Variants in FER1L6 observed in about 807,000 individuals in gnomAD.
FER1L6 encodes fer-1-like protein 6.
Under a neutral mutation model 219.2 loss-of-function variants are expected in FER1L6, and 177 were observed. The observed-to-expected ratio is 0.81, with a 90% CI of 0.71 to 0.91. FER1L6 has a LOEUF of 0.91. Ranked by LOEUF, FER1L6 falls within the 40% of genes least tolerant of loss-of-function variation. FER1L6 has a pLI of 0.00. For missense variants in FER1L6, 2,153 were observed against 2,259.9 expected (o/e 0.95, Z 0.96); for synonymous variants, 768 against 824.3 (o/e 0.93, Z 1.17).
chr8:124,069,631 C>G (rs1344126538), intron 29 of FER1L6, among the ~76,000 whole-genome samples, 156 bp downstream of exon 29: 1 of 152,164 alleles, frequency 6.6e-6, no homozygotes, highest in African/African-American at 2.4e-5. Context: ...TGCATTTAAG[C>G]CAAGACAGGA....
chr8:124,111,733 T>A lies in FER1L6; in HGVS notation c.5290-7111T>A, dbSNP rs1215349930. On this transcript the variant is annotated intron_variant, in intron 39 of 40. Transcript: ENST00000522917. The surrounding 1 kb of genome is among the most constrained non-coding windows in gnomAD (Gnocchi z 5.0). ...GCCGGTGGGAGTGTAGCAGTGAGGATGACCAGAGGTCACTCTTGTTCTCTG... is the reference window on the plus strand; with the variant it reads ...GCCGGTGGGAGTGTAGCAGTGAGGAAGACCAGAGGTCACTCTTGTTCTCTG... Among the ~76,000 whole-genome samples the A allele has an allele frequency of 6.6e-6, 1 of 152,148 alleles. No homozygotes were observed. The highest frequency in any genetic ancestry group is 1.5e-5 in the Non-Finnish European group (1 of 68,022).
At chr8:124,076,069 G>C (rs1821271213) in intron 31 of FER1L6, 129 bp from the exon 32 acceptor site, 33 of 1,180,610 alleles carry the variant, frequency 2.8e-5, no homozygotes, top group Non-Finnish European at 3.9e-5. Flanking sequence ...CCAAAGCCCT[G>C]GCCCGTTAAA....
At chr8:124,016,569 C>A (rs1411079316) in intron 15 of FER1L6, among the ~76,000 whole-genome samples, 1 of 152,142 alleles carries the variant, frequency 6.6e-6, no homozygotes, top group African/African-American at 2.4e-5. Flanking sequence ...GGACTTTTTT[C>A]TGTGCATTTG....
chr8:123,906,792 G>T (rs1428389565), intron 1 of FER1L6, among the ~76,000 whole-genome samples: 1 of 138,118 alleles, frequency 7.2e-6, no homozygotes, highest in Non-Finnish European at 1.5e-5. Context: ...AATAGAGCAA[G>T]ACTTCATCTC....
chr8:123,960,472 G>A (rs1353176162), intron 2 of FER1L6, among the ~76,000 whole-genome samples: 11 of 152,292 alleles, frequency 7.2e-5, no homozygotes, highest in Admixed American at 6.5e-5. Context: ...TCCTAAATGC[G>A]TGTGTACTGT....
chr8:124,119,161 C>G (rs1823376473), intron 40 of FER1L6, among the ~76,000 whole-genome samples: 1 of 152,168 alleles, frequency 6.6e-6, no homozygotes, highest in African/African-American at 2.4e-5. Flanking sequence ...AGCTTTCGAT[C>G]TATTTGGGGA....
In FER1L6 at chr8:123,853,831, A is replaced by T. The variant is rs1299291427; in HGVS notation, c.-8+1646A>T. 6.6e-6 allele frequency among the ~76,000 whole-genome samples: 1 copy of T among 152,196 alleles called. No individual in the cohort carries two copies. Among genetic ancestry groups the T allele is most frequent in the Non-Finnish European group, 1.5e-5 (1 of 68,028 alleles). On this transcript the variant is annotated intron_variant, in intron 1 of 40. Coordinates refer to ENST00000522917, the MANE Select transcript of FER1L6 (RefSeq NM_001039112.2). This position sits in a 1 kb window ranked among gnomAD's most constrained non-coding sequence, Gnocchi z 6.6. ...AAGAAGGAACAACATCGCGGCCTTG[A>T]TGAAGCCACAGTGATGCTACCCAGG...
intron 1 of FER1L6, among the ~76,000 whole-genome samples, chr8:123,872,477 G>T (rs1250619957): frequency 6.6e-6 from 1 of 152,128 alleles, no homozygotes; most frequent in Non-Finnish European, 1.5e-5. Flanking sequence ...AATGTAATGG[G>T]GTGCCCTAGA....
rs564388825 is a variant in FER1L6 at position 123,985,650 on chromosome 8, C to T, written c.1411-418C>T. 4.8e-4 allele frequency: 76 copies of T among 159,816 alleles called. 3 individuals carry two copies. In the South Asian group the frequency reaches 0.014, roughly 29 times the overall value. 9.9% of individuals were successfully genotyped at this position (159,816 alleles called of 1,614,324 possible). A position where few individuals can be genotyped will look rare whatever the true frequency, so the allele number is the denominator to read the frequency against. On this transcript the variant is annotated intron_variant, in intron 11 of 40. Coordinates refer to ENST00000522917, the MANE Select transcript of FER1L6 (RefSeq NM_001039112.2). ...ACGTATCTGACTACCCTGTGTAAGCCATAAAGTTGTGCTCAAATCTAAGGA... is the reference window on the plus strand; with the variant it reads ...ACGTATCTGACTACCCTGTGTAAGCTATAAAGTTGTGCTCAAATCTAAGGA...
intron 11 of FER1L6, 126 bp from the exon 12 acceptor site, chr8:123,985,942 C>T: frequency 1.6e-6 from 1 of 618,506 alleles, no homozygotes; most frequent in Non-Finnish European, 2.9e-6. Flanking sequence ...AACGCTGTGC[C>T]ATTTCAGGCT....
intron 34 of FER1L6, 29 bp downstream of exon 34, chr8:124,091,612 G>A (rs774352840): frequency 5.6e-6 from 9 of 1,599,380 alleles, no homozygotes; most frequent in South Asian, 1.1e-5. Flanking sequence ...TCCTGCTGGT[G>A]TTGCTCTTCT....
chr8:123,982,609 C>G (rs1387272197), intron 11 of FER1L6, among the ~76,000 whole-genome samples: 1 of 152,176 alleles, frequency 6.6e-6, no homozygotes, highest in Non-Finnish European at 1.5e-5. Flanking sequence ...TAACATATCT[C>G]AAAACTTGGC....
Position 123,933,368 on chromosome 8 carries a change from A to ATGTGTG in FER1L6, c.-7-22623_-7-22622insGTGTGT, listed in dbSNP as rs1491259026. ...TATAGTCTGATCTTTCTATCATAGCATATGTGTGTCTGTGTGTGTGTGTGT... is the reference window on the plus strand; with the variant it reads ...TATAGTCTGATCTTTCTATCATAGCATGTGTGTATGTGTGTCTGTGTGTGTGTGTGT... On this transcript the variant is annotated intron_variant, in intron 1 of 40. Coordinates refer to ENST00000522917, the MANE Select transcript of FER1L6 (RefSeq NM_001039112.2). Among the ~76,000 whole-genome samples, 41 of 137,588 alleles carry ATGTGTG rather than the reference A, an allele frequency of 3.0e-4. 1 individual carries two copies. Among genetic ancestry groups the ATGTGTG allele is most frequent in the Middle Eastern group, 3.6e-3 (1 of 280 alleles). The allele number at this position is 137,588 out of a possible 152,430, so 90.3% of individuals were successfully genotyped here.
chr8:124,034,712 A>G (rs1819124412), intron 18 of FER1L6, among the ~76,000 whole-genome samples: 1 of 152,208 alleles, frequency 6.6e-6, no homozygotes, highest in South Asian at 2.1e-4. Context: ...TCTAAGTCAT[A>G]GAGTCCTGAC....
intron 17 of FER1L6, among the ~76,000 whole-genome samples, chr8:124,023,018 C>T (rs1007639297): frequency 6.6e-6 from 1 of 152,064 alleles, no homozygotes; most frequent in Admixed American, 6.6e-5. Context: ...TGGGTTCAAG[C>T]GATTCTTCTG....
chr8:123,895,652 T>C (rs1210943091), intron 1 of FER1L6, among the ~76,000 whole-genome samples: 2 of 152,198 alleles, frequency 1.3e-5, no homozygotes, highest in Admixed American at 6.5e-5. Context: ...AGTCAGCGAG[T>C]AACTTGTGCT....
chr8:123,909,839 G>A (rs1278493096), intron 1 of FER1L6, among the ~76,000 whole-genome samples: 2 of 152,010 alleles, frequency 1.3e-5, no homozygotes, highest in Admixed American at 1.3e-4. Context: ...GACATGAAAG[G>A]GAGGTCATCA....
chr8:123,965,831 A>C (rs1375574767), intron 3 of FER1L6, among the ~76,000 whole-genome samples, 176 bp from the exon 4 acceptor site: 1 of 152,206 alleles, frequency 6.6e-6, no homozygotes, highest in Non-Finnish European at 1.5e-5. Context: ...CATTTTTAGG[A>C]TGAGAAAACT....
intron 12 of FER1L6, among the ~76,000 whole-genome samples, chr8:123,989,750 T>A (rs1816761516): frequency 6.6e-6 from 1 of 152,224 alleles, no homozygotes; most frequent in Admixed American, 6.5e-5. Context: ...ATTTTATTCT[T>A]TTTTATGGCT....
Sources: gnomAD v4.1 joint callset for allele counts (sites outside exome capture counted in the v4.1 genomes callset) on GRCh38, gnomAD v4.1.1 for gene constraint, Gnocchi (gnomAD v3.1) non-coding constraint, MANE v1.5 for transcripts, NCBI Gene and HGNC (gene_info 2026-07-23, HGNC 2026-07-21) for gene names.